Variants in HADHB observed in about 807,000 individuals in gnomAD.
The protein encoded by HADHB is hydroxyacyl-CoA dehydrogenase trifunctional multienzyme complex subunit beta.
HADHB carries 50 observed loss-of-function variants against 61.9 expected under a neutral mutation model. The ratio of observed to expected loss-of-function variants is 0.81; its 90% CI spans 0.64 to 1.02. HADHB has a LOEUF of 1.02. Ranked by LOEUF, HADHB falls within the 50% of genes least tolerant of loss-of-function variation. The probability of loss-of-function intolerance (pLI) is 0.00; values close to 1 mark genes in which losing one functional copy is unlikely to be tolerated. For missense variants in HADHB, 504 were observed against 586.5 expected (o/e 0.86, Z 1.45); for synonymous variants, 191 against 201.6 (o/e 0.95, Z 0.45).
chr2:26,255,655 G>A lies in HADHB; in HGVS notation c.109+1181G>A, dbSNP rs60849496. ...TGCTTGGTTTCTTCATCTAAAAAAG[G>A]AATATATAATAAGTCTAGTCTTGTC... On this transcript the variant is annotated intron_variant, in intron 3 of 15. Transcript: ENST00000317799. Among the ~76,000 whole-genome samples, 955 of 152,178 alleles carry A rather than the reference G, an allele frequency of 6.3e-3. 8 individuals carry two copies. Among genetic ancestry groups the A allele is most frequent in the African/African-American group, 0.022 (893 of 41,496 alleles).
intron 7 of HADHB, among the ~76,000 whole-genome samples, 187 bp from the exon 8 acceptor site, chr2:26,278,427 C>T (rs930845828): frequency 7.9e-5 from 12 of 152,148 alleles, no homozygotes; most frequent in African/African-American, 2.7e-4. Context: ...TTTTCTCTAA[C>T]GTGTTGAATG....
intron 13 of HADHB, 61 bp from the exon 14 acceptor site, chr2:26,284,822 T>C: frequency 2.2e-6 from 2 of 897,318 alleles, no homozygotes; most frequent in Admixed American, 3.4e-5. Context: ...AAACCATTCC[T>C]ATAAGAAAGC....
At chr2:26,256,203 G>A (rs973270307) in intron 3 of HADHB, among the ~76,000 whole-genome samples, 1 of 152,186 alleles carries the variant, frequency 6.6e-6, no homozygotes, top group Admixed American at 6.5e-5. Context: ...GAAGGCACGT[G>A]ATAAAACAAT....
At chr2:26,253,865 T>TAAAA (rs1671502039) in intron 1 of HADHB, among the ~76,000 whole-genome samples, 1 of 107,210 alleles carries the variant, frequency 9.3e-6, no homozygotes, top group South Asian at 2.9e-4. Context: ...AAAAAATAAA[T>TAAAA]AAATAAATAA....
At chr2:26,248,684 A>G (rs1232042150) in intron 1 of HADHB, among the ~76,000 whole-genome samples, 1 of 152,220 alleles carries the variant, frequency 6.6e-6, no homozygotes, top group Non-Finnish European at 1.5e-5. Flanking sequence ...CTAGAATTAT[A>G]TATTAACCAT....
intron 1 of HADHB, among the ~76,000 whole-genome samples, chr2:26,246,323 TC>T (rs2147792406): frequency 6.6e-6 from 1 of 151,902 alleles, no homozygotes; most frequent in East Asian, 1.9e-4. Flanking sequence ...ATATATTGTT[TC>T]TTTTGTTTTG....
intron 1 of HADHB, among the ~76,000 whole-genome samples, chr2:26,253,371 C>T (rs184852912): frequency 1.3e-5 from 2 of 152,260 alleles, no homozygotes; most frequent in Non-Finnish European, 2.9e-5. Flanking sequence ...GATGCTTCAC[C>T]ATCCCTATTT....
intron 3 of HADHB, among the ~76,000 whole-genome samples, chr2:26,257,638 C>T (rs1574645254): frequency 6.6e-6 from 1 of 152,162 alleles, no homozygotes; most frequent in African/African-American, 2.4e-5. Context: ...CTGTGTAGAG[C>T]AGGGCCAAAG....
At chr2:26,247,198 T>C (rs1671201215) in intron 1 of HADHB, among the ~76,000 whole-genome samples, 1 of 152,176 alleles carries the variant, frequency 6.6e-6, no homozygotes, top group Admixed American at 6.5e-5. Context: ...CTTTCCATAG[T>C]TCACACCTTA....
chr2:26,288,041 T>A (rs567719126), intron 15 of HADHB, among the ~76,000 whole-genome samples: 1 of 152,258 alleles, frequency 6.6e-6, no homozygotes, highest in South Asian at 2.1e-4. Context: ...CTAAGGCAGC[T>A]GGGTGGCTTG....
intron 3 of HADHB, among the ~76,000 whole-genome samples, chr2:26,257,402 G>A (rs569619536): frequency 6.6e-6 from 1 of 151,542 alleles, no homozygotes; most frequent in African/African-American, 2.4e-5. Context: ...TTACAGGCAT[G>A]AGCCACCACA....
chr2:26,258,455 C>T (rs557089496), intron 3 of HADHB, among the ~76,000 whole-genome samples: 5 of 152,306 alleles, frequency 3.3e-5, no homozygotes, highest in African/African-American at 9.6e-5. Context: ...GGCACTTGGC[C>T]GCACAGAAAC....
intron 1 of HADHB, among the ~76,000 whole-genome samples, chr2:26,249,255 C>T (rs564212487): frequency 2.6e-5 from 4 of 151,496 alleles, no homozygotes; most frequent in Admixed American, 6.6e-5. Flanking sequence ...TTTATTAGTC[C>T]GGGCGTGGTG....
intron 15 of HADHB, among the ~76,000 whole-genome samples, chr2:26,287,114 G>A (rs1673067554): frequency 6.6e-6 from 1 of 152,136 alleles, no homozygotes; most frequent in Non-Finnish European, 1.5e-5. Context: ...TGAGGCAGGG[G>A]AATCGCTTGA....
At position 26,249,650 on chromosome 2, in the gene HADHB, GGTGTTAGCT is replaced by G. The variant is rs1671322574; in HGVS notation, c.-8-4596_-8-4588del. On this transcript the variant is annotated intron_variant, in intron 1 of 15. Coordinates refer to ENST00000317799, the MANE Select transcript of HADHB (RefSeq NM_000183.3). The stretch of plus-strand genomic sequence containing the variant: ...CAGCTCCGTACTCTTCTGCTTGTTT[GGTGTTAGCT>G]CTATCTTAGCCTAGCTTTGTTAATG... Among the ~76,000 whole-genome samples the G allele has an allele frequency of 2.0e-5, 3 of 151,850 alleles. No homozygotes were observed. The South Asian group carries it at 6.2e-4, about 32-fold the overall frequency.
intron 12 of HADHB, 72 bp from the exon 13 acceptor site, chr2:26,284,045 G>T: frequency 1.2e-6 from 1 of 832,244 alleles, no homozygotes; most frequent in Non-Finnish European, 2.1e-6. Flanking sequence ...GTAAAACTCA[G>T]TTTGGGGAAT....
chr2:26,268,245 A>C (rs1402361621), intron 4 of HADHB, among the ~76,000 whole-genome samples: 1 of 152,350 alleles, frequency 6.6e-6, no homozygotes, highest in African/African-American at 2.4e-5. Flanking sequence ...TGAAATGCTA[A>C]GAAGAAACAG....
intron 3 of HADHB, chr2:26,261,439 CAT>C: frequency 5.8e-6 from 1 of 171,348 alleles, no homozygotes. Flanking sequence ...GTGGAATTAA[CAT>C]ATCCACCTGG....
At chr2:26,277,195 T>G in intron 7 of HADHB, 35 bp downstream of exon 7, 4 of 987,532 alleles carry the variant, frequency 4.1e-6, no homozygotes, top group Non-Finnish European at 6.5e-6. Context: ...TACATGTTAA[T>G]TATTCTCCTT....
Sources: allele counts gnomAD v4.1 joint callset (sites outside exome capture counted in the v4.1 genomes callset), GRCh38; gene constraint gnomAD v4.1.1; transcripts MANE v1.5; gene names NCBI Gene and HGNC (gene_info 2026-07-23, HGNC 2026-07-21).